GRM7: variants seen among roughly 807,000 people sequenced by gnomAD.
GRM7 encodes the protein glutamate metabotropic receptor 7.
In GRM7, 35 loss-of-function variants were observed where a neutral mutation model predicts 84.5. The observed-to-expected ratio is 0.41, with a 90% CI of 0.32 to 0.55. The LOEUF is 0.55. Among genes scored for constraint, GRM7 ranks in the 20% least tolerant of loss-of-function variants. The pLI, the probability that GRM7 is intolerant of heterozygous loss-of-function variation, is 0.19. For missense variants in GRM7, 1,003 were observed against 1,194.6 expected, an observed-to-expected ratio of 0.84 and a Z score of 2.36; for synonymous variants, 487 against 455.1, an observed-to-expected ratio of 1.07 and a Z score of -0.89.
intron 2 of GRM7, among the ~76,000 whole-genome samples, chr3:7,216,759 G>GT (rs5846498): frequency 0.28 from 42,829 of 152,024 alleles, 6,135 homozygotes; most frequent in Middle Eastern, 0.36. Flanking sequence ...TTTAAGGTTT[G>GT]TTTTTGTTTG....
At chr3:7,202,044 C>A (rs1332531471) in intron 2 of GRM7, among the ~76,000 whole-genome samples, 1 of 151,496 alleles carries the variant, frequency 6.6e-6, no homozygotes, top group Non-Finnish European at 1.5e-5. Context: ...TCATTTTTAT[C>A]CTTCTATTAG....
At chr3:7,067,968 A>C (rs1697727340) in intron 1 of GRM7, among the ~76,000 whole-genome samples, 1 of 151,984 alleles carries the variant, frequency 6.6e-6, no homozygotes, top group South Asian at 2.1e-4. Context: ...ATCCCAGCCG[A>C]ATATTCAGAA....
chr3:7,226,175 C>T (rs1696975528), intron 2 of GRM7, among the ~76,000 whole-genome samples: 1 of 152,216 alleles, frequency 6.6e-6, no homozygotes, highest in African/African-American at 2.4e-5. Flanking sequence ...TGTAACAAAT[C>T]ACTGCACATT....
intron 8 of GRM7, among the ~76,000 whole-genome samples, chr3:7,583,156 A>T (rs549572789): frequency 1.3e-5 from 2 of 152,354 alleles, no homozygotes; most frequent in African/African-American, 4.8e-5. Context: ...ATCAGTCCCA[A>T]GGCTTGGGCC....
intron 1 of GRM7, among the ~76,000 whole-genome samples, chr3:6,980,020 A>AT (rs1029196539): frequency 9.9e-5 from 15 of 152,072 alleles, no homozygotes; most frequent in Admixed American, 8.5e-4. Context: ...CTCAACTGGA[A>AT]TTTTTTTTGT....
chr3:7,056,403 T>C (rs1697222837), intron 1 of GRM7, among the ~76,000 whole-genome samples: 1 of 151,922 alleles, frequency 6.6e-6, no homozygotes, highest in Non-Finnish European at 1.5e-5. Flanking sequence ...ACAGCCGGGG[T>C]TGGCTTATCA....
intron 2 of GRM7, among the ~76,000 whole-genome samples, chr3:7,273,449 G>A (rs973961284): frequency 2.0e-5 from 3 of 152,054 alleles, no homozygotes; most frequent in African/African-American, 7.2e-5. Context: ...CTAATAGACA[G>A]CTATTGAGAT....
At chr3:7,720,775 G>C (rs576331346) in intron 9 of GRM7, among the ~76,000 whole-genome samples, 1 of 152,358 alleles carries the variant, frequency 6.6e-6, no homozygotes, top group South Asian at 2.1e-4. Context: ...GCCATGTCTG[G>C]CACATAGTAG....
chr3:7,716,804 A>G (rs1293889716), intron 9 of GRM7, among the ~76,000 whole-genome samples: 1 of 152,184 alleles, frequency 6.6e-6, no homozygotes, highest in Non-Finnish European at 1.5e-5. Context: ...AATTCCAATA[A>G]CATTTTGATT....
Position 7,298,753 on chromosome 3 carries a change from G to T in GRM7, c.806G>T (p.Arg269Ile), listed in dbSNP as rs149435217. ...AAAGACAGGACCATTGACTTTGATAGAATTATCAAACAGCTCCTGGACACC... is the reference window on the plus strand; with the variant it reads ...AAAGACAGGACCATTGACTTTGATATAATTATCAAACAGCTCCTGGACACC... ...ERKDRTIDFDRIIKQLLDTPN... is the reference protein window; with the variant it reads ...ERKDRTIDFDIIIKQLLDTPN... Residue 269 changes from arginine (R) to isoleucine (I), a missense_variant, in exon 3 of 10, where the codon AGA (arginine) becomes ATA (isoleucine). Around this residue, in one of 2 missense-constraint regions of GRM7, gnomAD observed 910 missense variants for 1,126.0 expected, o/e 0.81. Coordinates refer to ENST00000357716, the MANE Select transcript of GRM7 (RefSeq NM_000844.4). 1.9e-6 allele frequency: 3 copies of T among 1,612,418 alleles called. No individual in the cohort carries two copies. In the African/African-American group the frequency reaches 4.0e-5, roughly 22 times the overall value.
At chr3:7,205,514 G>A (rs1696206556) in intron 2 of GRM7, among the ~76,000 whole-genome samples, 1 of 152,146 alleles carries the variant, frequency 6.6e-6, no homozygotes, top group Non-Finnish European at 1.5e-5. Flanking sequence ...ATTAGGCTGT[G>A]CCATTTTTGT....
At chr3:7,362,465 A>C (rs1693706778) in intron 4 of GRM7, among the ~76,000 whole-genome samples, 1 of 152,028 alleles carries the variant, frequency 6.6e-6, no homozygotes, top group Non-Finnish European at 1.5e-5. Context: ...ATGAGATGTA[A>C]ATTTTTAAAG....
In GRM7 at chr3:7,086,178, T is replaced by C. The variant is rs559011963; in HGVS notation, c.520-60274T>C. On this transcript the variant is annotated intron_variant, in intron 1 of 9. Transcript: ENST00000357716. ...ATTCTAGTTACGTTCACTGGAGCTATATTGAGTCTATAGAATCACTGTCTT... is the reference window on the plus strand; with the variant it reads ...ATTCTAGTTACGTTCACTGGAGCTACATTGAGTCTATAGAATCACTGTCTT... 1.3e-4 allele frequency among the ~76,000 whole-genome samples: 20 copies of C among 152,312 alleles called. No homozygotes were observed. In the Middle Eastern group the frequency reaches 0.01, roughly 78 times the overall value.
chr3:6,914,489 G>C (rs1252663016), intron 1 of GRM7, among the ~76,000 whole-genome samples: 1 of 151,792 alleles, frequency 6.6e-6, no homozygotes. Flanking sequence ...TGCAACCTCT[G>C]CCTCCCGGGT....
intron 2 of GRM7, among the ~76,000 whole-genome samples, chr3:7,170,808 C>T (rs1694958879): frequency 6.6e-6 from 1 of 152,140 alleles, no homozygotes; most frequent in Admixed American, 6.5e-5. Flanking sequence ...AAAGGAAATA[C>T]TTGATGAAAC....
At chr3:7,407,627 C>T (rs891457790) in intron 4 of GRM7, among the ~76,000 whole-genome samples, 11 of 151,926 alleles carry the variant, frequency 7.2e-5, no homozygotes, top group African/African-American at 2.2e-4. Flanking sequence ...AAGTAGGTGC[C>T]GCTTTAAGTC....
At chr3:7,068,251 C>G (rs1697738903) in intron 1 of GRM7, among the ~76,000 whole-genome samples, 1 of 151,812 alleles carries the variant, frequency 6.6e-6, no homozygotes, top group Non-Finnish European at 1.5e-5. Context: ...AAAATGATAG[C>G]TATATAGGAC....
intron 9 of GRM7, among the ~76,000 whole-genome samples, chr3:7,739,046 A>C (rs374991940): frequency 1.3e-5 from 2 of 152,190 alleles, no homozygotes; most frequent in South Asian, 4.1e-4. Flanking sequence ...AATTTCATAA[A>C]ATTCTATTCT....
intron 8 of GRM7, among the ~76,000 whole-genome samples, chr3:7,615,539 A>G (rs1314088332): frequency 6.6e-6 from 1 of 152,102 alleles, no homozygotes; most frequent in Non-Finnish European, 1.5e-5. Context: ...GAATATGGAT[A>G]ATTTGAGGTA....
Sources: allele counts gnomAD v4.1 joint callset (sites outside exome capture counted in the v4.1 genomes callset), GRCh38; gene constraint gnomAD v4.1.1; regional missense constraint gnomAD v4.1.1; transcripts MANE v1.5; gene names NCBI Gene and HGNC (gene_info 2026-07-23, HGNC 2026-07-21).